RSU1: variants seen among roughly 807,000 people sequenced by gnomAD.
The protein encoded by RSU1 is rsu-1.
RSU1 carries 26 observed loss-of-function variants against 31.1 expected under a neutral mutation model. That is an observed-to-expected ratio of 0.84 (90% confidence interval 0.61 to 1.16). RSU1 has a LOEUF of 1.16. RSU1 is among the 50% of genes most tolerant of loss of function. The pLI is 0.00. For synonymous variants in RSU1, 164 were observed against 136.3 expected, an observed-to-expected ratio of 1.20 and a Z score of -1.41; for missense variants, 320 against 339.1, an observed-to-expected ratio of 0.94 and a Z score of 0.44.
At chr10:16,759,378 G>C (rs377503340) in intron 4 of RSU1, among the ~76,000 whole-genome samples, 1 of 151,926 alleles carries the variant, frequency 6.6e-6, no homozygotes, top group Admixed American at 6.6e-5. Flanking sequence ...GTGGTGGTGC[G>C]TACCTGTGGT....
chr10:16,726,267 CTTTTTTTTTTT>C (rs760586484), intron 7 of RSU1, among the ~76,000 whole-genome samples: 9 of 137,082 alleles, frequency 6.6e-5, no homozygotes, highest in African/African-American at 2.7e-4. Context: ...AGGAACGTAT[CTTTTTTTTTTT>C]TTTTTTTTGA....
intron 8 of RSU1, among the ~76,000 whole-genome samples, chr10:16,606,486 A>T: frequency 6.6e-6 from 1 of 152,080 alleles, no homozygotes; most frequent in African/African-American, 2.4e-5. Context: ...ATCAGAATGA[A>T]TTTTTATTAT....
chr10:16,808,544 C>A (rs1490597798), intron 2 of RSU1, among the ~76,000 whole-genome samples: 4 of 150,196 alleles, frequency 2.7e-5, no homozygotes, highest in African/African-American at 4.9e-5. Context: ...CTGAGTGACA[C>A]TGGGGACTTT....
chr10:16,697,534 C>A (rs966595714), intron 7 of RSU1, among the ~76,000 whole-genome samples: 1 of 151,918 alleles, frequency 6.6e-6, no homozygotes, highest in Non-Finnish European at 1.5e-5. Flanking sequence ...CACAGTGGTG[C>A]GCACCTGTAG....
chr10:16,678,681 G>C lies in RSU1; in HGVS notation c.731+16342C>G, dbSNP rs75263669. Among the ~76,000 whole-genome samples, 4 of 152,164 alleles carry C rather than the reference G, an allele frequency of 2.6e-5. No individual in the cohort carries two copies. In the East Asian group the frequency reaches 7.7e-4, roughly 29 times the overall value. ...TTTTTAAGAAATAATCTTTTCAATAGTGAATACATGTGAAAATAGGACATT... is the reference window on the plus strand; with the variant it reads ...TTTTTAAGAAATAATCTTTTCAATACTGAATACATGTGAAAATAGGACATT... On this transcript the variant is annotated intron_variant, in intron 8 of 8. Coordinates refer to ENST00000345264, the MANE Select transcript of RSU1 (RefSeq NM_012425.4).
chr10:16,671,379 T>A (rs1041064993), intron 8 of RSU1, among the ~76,000 whole-genome samples: 10 of 152,178 alleles, frequency 6.6e-5, no homozygotes, highest in African/African-American at 2.4e-4. Context: ...TTAAGATGTT[T>A]GAGGCTTTGT....
intron 8 of RSU1, among the ~76,000 whole-genome samples, chr10:16,665,631 C>T (rs866966550): frequency 9.2e-5 from 14 of 152,118 alleles, no homozygotes; most frequent in African/African-American, 1.2e-4. Context: ...AATAACTTTT[C>T]GTTTTGAACA....
At chr10:16,730,774 A>G (rs906056141) in intron 7 of RSU1, among the ~76,000 whole-genome samples, 1 of 152,210 alleles carries the variant, frequency 6.6e-6, no homozygotes, top group Non-Finnish European at 1.5e-5. Flanking sequence ...TCATTTATTT[A>G]TGCACCTATG....
Position 16,731,143 on chromosome 10 carries a change from A to G in RSU1, c.598+21396T>C, listed in dbSNP as rs561049729. Among the ~76,000 whole-genome samples, 7 of 152,320 alleles carry G rather than the reference A, an allele frequency of 4.6e-5. No homozygotes were observed. In the East Asian group the frequency reaches 5.8e-4, roughly 13 times the overall value. On this transcript the variant is annotated intron_variant, in intron 7 of 8. Transcript: ENST00000345264. Reference sequence around the variant, plus strand: ...AAATGCAATCTTATAATGTGCTATTATAAGTATTCTCGTGTCATTTTATGT... The same window carrying G: ...AAATGCAATCTTATAATGTGCTATTGTAAGTATTCTCGTGTCATTTTATGT...
rs1036616020 is a variant in RSU1 at position 16,647,794 on chromosome 10, A to C, written c.731+47229T>G. Among the ~76,000 whole-genome samples the C allele has an allele frequency of 4.6e-5, 7 of 152,200 alleles. 1 individual carries two copies. The highest frequency in any genetic ancestry group is 4.6e-4 in the Admixed American group (7 of 15,276). On this transcript the variant is annotated intron_variant, in intron 8 of 8. Transcript: ENST00000345264. The stretch of plus-strand genomic sequence containing the variant: ...TATATAAAAAGCTACTGAAGTGCAC[A>C]TTTTGAATGAGTGAATTGTATGGGA...
intron 8 of RSU1, among the ~76,000 whole-genome samples, chr10:16,596,140 T>C (rs1287499789): frequency 6.6e-6 from 1 of 152,074 alleles, no homozygotes; most frequent in African/African-American, 2.4e-5. Flanking sequence ...GGAGTAAAGT[T>C]CAGCGGGTCC....
chr10:16,616,092 T>G (rs115587068), intron 8 of RSU1, among the ~76,000 whole-genome samples: 1 of 152,022 alleles, frequency 6.6e-6, no homozygotes, highest in African/African-American at 2.4e-5. Context: ...AGTTGGTTTT[T>G]TGAGAAGATT....
intron 8 of RSU1, among the ~76,000 whole-genome samples, chr10:16,655,284 T>C (rs900306294): frequency 2.2e-4 from 34 of 152,162 alleles, no homozygotes; most frequent in Admixed American, 1.6e-3. Context: ...CCACTGCTAA[T>C]ATTTGACAAC....
At chr10:16,702,523 C>T (rs779152485) in intron 7 of RSU1, among the ~76,000 whole-genome samples, 6 of 152,152 alleles carry the variant, frequency 3.9e-5, no homozygotes, top group Non-Finnish European at 8.8e-5. Flanking sequence ...ATGTGGAACA[C>T]GGAGTCAAGG....
At chr10:16,645,010 C>T (rs1002174017) in intron 8 of RSU1, among the ~76,000 whole-genome samples, 8 of 152,118 alleles carry the variant, frequency 5.3e-5, no homozygotes, top group Non-Finnish European at 1.0e-4. Context: ...TTTCTCAACA[C>T]GCTTCCTCAT....
intron 7 of RSU1, among the ~76,000 whole-genome samples, chr10:16,730,822 ATGT>A (rs540026823): frequency 1.4e-3 from 206 of 152,214 alleles, no homozygotes; most frequent in South Asian, 4.8e-3. Flanking sequence ...CTGTAAAGCA[ATGT>A]TGTTGTTTTT....
At chr10:16,746,789 C>A (rs951668910) in intron 7 of RSU1, among the ~76,000 whole-genome samples, 3 of 146,324 alleles carry the variant, frequency 2.1e-5, no homozygotes, top group African/African-American at 5.1e-5. Flanking sequence ...CTAATTAATT[C>A]TTCTAAGAAA....
At chr10:16,696,639 C>G (rs1835681366) in intron 7 of RSU1, among the ~76,000 whole-genome samples, 1 of 152,184 alleles carries the variant, frequency 6.6e-6, no homozygotes, top group African/African-American at 2.4e-5. Flanking sequence ...CCAAGATTAT[C>G]AATATTGTCA....
At chr10:16,683,247 C>G (rs539821667) in intron 8 of RSU1, among the ~76,000 whole-genome samples, 1 of 150,168 alleles carries the variant, frequency 6.7e-6, no homozygotes, top group Non-Finnish European at 1.5e-5. Context: ...ATAAACAGAA[C>G]GTGTCTCCCT....
Sources: allele counts gnomAD v4.1 joint callset (sites outside exome capture counted in the v4.1 genomes callset), GRCh38; gene constraint gnomAD v4.1.1; transcripts MANE v1.5; gene names NCBI Gene and HGNC (gene_info 2026-07-23, HGNC 2026-07-21).